The following NELL1 variants were observed in gnomAD, a reference collection of about 807,000 sequenced individuals.
The protein encoded by NELL1 is protein kinase C-binding protein NELL1.
A neutral mutation model predicts 107.4 loss-of-function variants in NELL1; 76 were observed. That is an observed-to-expected ratio of 0.71 (90% CI 0.59 to 0.86). The LOEUF (loss-of-function observed/expected upper bound fraction) is 0.86, where lower values mean the gene tolerates loss of function less well. NELL1 is among the 40% of genes least tolerant of loss of function. NELL1 has a pLI of 0.00. For missense variants in NELL1, 1,024 were observed against 1,005.5 expected (o/e 1.02, Z -0.25); for synonymous variants, 353 against 341.2 (o/e 1.03, Z -0.38).
At chr11:21,530,997 C>T (rs534609016) in intron 15 of NELL1, among the ~76,000 whole-genome samples, 1 of 152,060 alleles carries the variant, frequency 6.6e-6, no homozygotes, top group South Asian at 2.1e-4. Flanking sequence ...AAAATGTTGT[C>T]TGTTTTCTTG....
intron 13 of NELL1, among the ~76,000 whole-genome samples, chr11:21,198,968 T>C (rs1239106703): frequency 1.3e-5 from 2 of 152,144 alleles, no homozygotes; most frequent in Non-Finnish European, 2.9e-5. Context: ...TGTCTCTAGA[T>C]TGTAGGATCT....
chr11:20,834,168 T>C (rs1427946730), intron 3 of NELL1, among the ~76,000 whole-genome samples: 1 of 152,012 alleles, frequency 6.6e-6, no homozygotes, highest in African/African-American at 2.4e-5. Flanking sequence ...GTGGATAAGA[T>C]AAGGATGATA....
At chr11:21,555,751 C>A (rs557761537) in intron 16 of NELL1, among the ~76,000 whole-genome samples, 1 of 151,894 alleles carries the variant, frequency 6.6e-6, no homozygotes, top group African/African-American at 2.4e-5. Flanking sequence ...TTATCTCTTC[C>A]TTTAGTCTTT....
intron 12 of NELL1, among the ~76,000 whole-genome samples, chr11:20,962,399 G>T (rs149827440): frequency 0.01 from 1,533 of 152,160 alleles, 22 homozygotes; most frequent in African/African-American, 0.035. Context: ...AGGGATAGAC[G>T]TCGAACAATT....
At chr11:21,352,347 T>C (rs1340285660) in intron 14 of NELL1, among the ~76,000 whole-genome samples, 1 of 152,192 alleles carries the variant, frequency 6.6e-6, no homozygotes, top group East Asian at 1.9e-4. Context: ...GTTTTGATCA[T>C]TGTTATTGTT....
intron 15 of NELL1, among the ~76,000 whole-genome samples, chr11:21,524,366 T>A (rs778704894): frequency 6.6e-6 from 1 of 152,158 alleles, no homozygotes; most frequent in Non-Finnish European, 1.5e-5. Flanking sequence ...AGTTCAAAAA[T>A]TCTTCCTATT....
At chr11:21,500,056 G>A (rs74530223) in intron 15 of NELL1, among the ~76,000 whole-genome samples, 23,080 of 151,978 alleles carry the variant, frequency 0.15, 1,923 homozygotes, top group Non-Finnish European at 0.18. Context: ...TCTTTCTGGA[G>A]TCTTTTATTC....
chr11:20,831,785 A>G (rs940249945), intron 3 of NELL1, among the ~76,000 whole-genome samples: 4 of 152,342 alleles, frequency 2.6e-5, no homozygotes, highest in African/African-American at 9.6e-5. Context: ...TAATAGTACT[A>G]TTAACATAAA....
intron 15 of NELL1, among the ~76,000 whole-genome samples, chr11:21,453,261 C>T (rs567266854): frequency 6.6e-6 from 1 of 152,158 alleles, no homozygotes; most frequent in Admixed American, 6.5e-5. Context: ...TAGGTTTTAT[C>T]AGTTATTGCT....
At chr11:20,751,023 A>G (rs79707608) in intron 2 of NELL1, among the ~76,000 whole-genome samples, 4 of 142,516 alleles carry the variant, frequency 2.8e-5, no homozygotes, top group African/African-American at 3.0e-5. Flanking sequence ...TTATTTGTCT[A>G]TGTGTGTGTG....
At chr11:21,137,377 A>G (rs1423776004) in intron 13 of NELL1, among the ~76,000 whole-genome samples, 1 of 152,218 alleles carries the variant, frequency 6.6e-6, no homozygotes, top group African/African-American at 2.4e-5. Flanking sequence ...GGTTGGCGGT[A>G]CTGCTAGAGG....
At chr11:20,960,587 T>C (rs761517329) in intron 12 of NELL1, 27 bp downstream of exon 12, 3 of 1,612,778 alleles carry the variant, frequency 1.9e-6, no homozygotes, top group East Asian at 2.2e-5. Flanking sequence ...ATGAAGTCAC[T>C]TGTGAGAGGT....
intron 15 of NELL1, among the ~76,000 whole-genome samples, chr11:21,528,825 GTGTTATCT>G (rs1855924387): frequency 6.6e-6 from 1 of 152,016 alleles, no homozygotes; most frequent in South Asian, 2.1e-4. Context: ...CTTGTTTTAT[GTGTTATCT>G]TGACTCTTGA....
At chr11:20,990,487 T>A (rs1851949035) in intron 12 of NELL1, among the ~76,000 whole-genome samples, 1 of 152,248 alleles carries the variant, frequency 6.6e-6, no homozygotes, top group Non-Finnish European at 1.5e-5. Flanking sequence ...ATTATTCTGC[T>A]GTTGAACTCT....
chr11:20,944,082 T>C (rs570740623), intron 10 of NELL1, among the ~76,000 whole-genome samples: 33 of 152,324 alleles, frequency 2.2e-4, no homozygotes, highest in African/African-American at 7.5e-4. Context: ...GAATCTGTTG[T>C]ATGCAATAAA....
At chr11:21,172,652 CTG>C (rs1462378297) in intron 13 of NELL1, among the ~76,000 whole-genome samples, 1 of 151,604 alleles carries the variant, frequency 6.6e-6, no homozygotes, top group African/African-American at 2.4e-5. Context: ...TCTCTAGTCT[CTG>C]TATTCAACAA....
chr11:21,206,733 CT>C (rs941815713), intron 13 of NELL1, among the ~76,000 whole-genome samples: 5 of 152,088 alleles, frequency 3.3e-5, no homozygotes, highest in Admixed American at 1.3e-4. Flanking sequence ...GTTCCTTTTG[CT>C]TTTTTTGTCC....
intron 2 of NELL1, among the ~76,000 whole-genome samples, chr11:20,679,965 G>C (rs1854150535): frequency 6.6e-6 from 1 of 152,042 alleles, no homozygotes; most frequent in Non-Finnish European, 1.5e-5. Flanking sequence ...TTTCTAATCT[G>C]TGCATTCTCT....
intron 13 of NELL1, among the ~76,000 whole-genome samples, chr11:21,196,154 A>G (rs1857147158): frequency 6.6e-6 from 1 of 152,102 alleles, no homozygotes; most frequent in Non-Finnish European, 1.5e-5. Context: ...GCTGGTGAAG[A>G]ATGTGTTTCT....
Sources: gnomAD v4.1 joint callset for allele counts (sites outside exome capture counted in the v4.1 genomes callset) on GRCh38, gnomAD v4.1.1 for gene constraint, MANE v1.5 for transcripts, NCBI Gene and HGNC (gene_info 2026-07-23, HGNC 2026-07-21) for gene names.